The following OTC variants were observed in gnomAD, a reference collection of about 807,000 sequenced individuals.
OTC encodes the protein ornithine transcarbamylase, also known as ornithine transcarbamylase, mitochondrial.
A neutral mutation model predicts 30.3 loss-of-function variants in OTC; 3 were observed. The ratio of observed to expected loss-of-function variants is 0.10; its 90% CI spans 0.05 to 0.26. OTC has a LOEUF of 0.26. Ranked by LOEUF, OTC falls within the 10% of genes least tolerant of loss-of-function variation. OTC has a pLI of 1.00. For synonymous variants in OTC, 111 were observed against 99.7 expected (o/e 1.11, Z -0.67); for missense variants, 194 against 260.3 (o/e 0.75, Z 1.75).
chrX:38,335,474 T>G, the OTC span, among the ~76,000 whole-genome samples: 1 of 112,765 alleles, frequency 8.9e-6, no homozygotes, highest in African/African-American at 3.2e-5. Context: ...AGCCCTGCAG[T>G]TAGACATGGT....
intron 4 of OTC, among the ~76,000 whole-genome samples, chrX:38,387,801 A>C (rs2068411766): frequency 1.8e-5 from 2 of 112,056 alleles, no homozygotes; most frequent in African/African-American, 6.5e-5. Flanking sequence ...GATGTGCTTA[A>C]TTTCCCCAGC....
At chrX:38,387,958 C>A (rs1220574112) in intron 4 of OTC, among the ~76,000 whole-genome samples, 1 of 111,505 alleles carries the variant, frequency 9.0e-6, no homozygotes, top group African/African-American at 3.3e-5. Context: ...AGTGGACCAC[C>A]CTTCTCATTT....
chrX:38,407,289 C>G (rs1028960327), intron 6 of OTC, among the ~76,000 whole-genome samples: 2 of 112,418 alleles, frequency 1.8e-5, no homozygotes, highest in Non-Finnish European at 3.8e-5. Context: ...TGCGGCTGCT[C>G]TCTGCAGCAG....
chrX:38,396,881 C>G (rs760201578), intron 4 of OTC, among the ~76,000 whole-genome samples: 1 of 112,022 alleles, frequency 8.9e-6, no homozygotes, highest in African/African-American at 3.2e-5. Context: ...GCGACTGGTG[C>G]TAGCCAACCG....
chrX:38,344,260 C>CAT, the OTC span, among the ~76,000 whole-genome samples: 1 of 110,597 alleles, frequency 9.0e-6, no homozygotes, highest in African/African-American at 3.3e-5. Flanking sequence ...CACACACACA[C>CAT]ACACACACAC....
At chrX:38,418,828 C>G (rs1402111872) in intron 9 of OTC, among the ~76,000 whole-genome samples, 1 of 111,968 alleles carries the variant, frequency 8.9e-6, no homozygotes, top group Non-Finnish European at 1.9e-5. Context: ...TGAGGCCTCC[C>G]TAGCCATTGG....
intron 4 of OTC, among the ~76,000 whole-genome samples, chrX:38,397,147 A>G (rs960871345): frequency 8.9e-6 from 1 of 112,316 alleles, no homozygotes; most frequent in African/African-American, 3.2e-5. Flanking sequence ...ATTTACATGT[A>G]CATAATATTC....
chrX:38,419,404 G>C (rs767495739), intron 9 of OTC, among the ~76,000 whole-genome samples: 1 of 111,705 alleles, frequency 9.0e-6, no homozygotes, highest in Non-Finnish European at 1.9e-5. Flanking sequence ...GGGTTGCATT[G>C]AATCTGTAGA....
intron 8 of OTC, 125 bp from the exon 9 acceptor site, chrX:38,411,737 C>A: frequency 1.6e-6 from 1 of 630,648 alleles, no homozygotes; most frequent in Non-Finnish European, 2.6e-6. Context: ...CATCACTCTG[C>A]TCCTTTGTCT....
intron 4 of OTC, among the ~76,000 whole-genome samples, chrX:38,387,220 G>A (rs1473136771): frequency 1.8e-5 from 2 of 111,413 alleles, no homozygotes; most frequent in African/African-American, 6.5e-5. Context: ...ACACAGGTGT[G>A]CAAATATTTT....
intron 1 of OTC, among the ~76,000 whole-genome samples, chrX:38,356,264 A>G (rs1019767139): frequency 9.0e-6 from 1 of 111,188 alleles, no homozygotes; most frequent in Non-Finnish European, 1.9e-5. Flanking sequence ...GGTCTGCAGA[A>G]AGCTAGCCTT....
intron 3 of OTC, among the ~76,000 whole-genome samples, chrX:38,371,832 C>A (rs2068324316): frequency 8.9e-6 from 1 of 112,278 alleles, no homozygotes; most frequent in Non-Finnish European, 1.9e-5. Flanking sequence ...ATGTTGATAT[C>A]TGACAGATGG....
At chrX:38,400,507 A>G (rs2068480190) in intron 4 of OTC, among the ~76,000 whole-genome samples, 1 of 110,561 alleles carries the variant, frequency 9.0e-6, no homozygotes. Flanking sequence ...GGAGTGGGCA[A>G]GAGGGCCTTC....
At chrX:38,400,726 G>C (rs1470608237) in intron 4 of OTC, among the ~76,000 whole-genome samples, 1 of 112,358 alleles carries the variant, frequency 8.9e-6, no homozygotes, top group Non-Finnish European at 1.9e-5. Flanking sequence ...GGAACAGCCT[G>C]GGGAGGGTGG....
the OTC span, among the ~76,000 whole-genome samples, chrX:38,345,410 A>T: frequency 7.7e-4 from 86 of 111,135 alleles, 1 homozygote; most frequent in African/African-American, 2.2e-3. Context: ...ACAAGATCAG[A>T]TGAGCCAGTT....
At chrX:38,332,834 A>AT in the OTC span, among the ~76,000 whole-genome samples, 317 of 110,956 alleles carry the variant, frequency 2.9e-3, 1 homozygote, top group Admixed American at 6.5e-3. Flanking sequence ...TAGGCTACAT[A>AT]TGGAAGTTCA....
chrX:38,367,246 C>A (rs1159839181), intron 1 of OTC, 45 bp from the exon 2 acceptor site: 5 of 1,110,135 alleles, frequency 4.5e-6, no homozygotes, highest in Non-Finnish European at 6.2e-6. Flanking sequence ...GTACATGGGT[C>A]TTTTCTGAAA....
chrX:38,366,790 A>G (rs1466123622), intron 1 of OTC, among the ~76,000 whole-genome samples: 1 of 111,897 alleles, frequency 8.9e-6, no homozygotes. Flanking sequence ...TTTCTGTCAA[A>G]CATCCAAAAT....
intron 4 of OTC, among the ~76,000 whole-genome samples, chrX:38,389,323 T>A (rs987463700): frequency 9.1e-6 from 1 of 110,134 alleles, no homozygotes; most frequent in Non-Finnish European, 1.9e-5. Flanking sequence ...TCTCAAATAA[T>A]GAAAGTTATA....
Sources: gnomAD v4.1 joint callset for allele counts (sites outside exome capture counted in the v4.1 genomes callset) on GRCh38, gnomAD v4.1.1 for gene constraint, MANE v1.5 for transcripts, NCBI Gene and HGNC (gene_info 2026-07-23, HGNC 2026-07-21) for gene names.